LGMN: variants seen among roughly 807,000 people sequenced by gnomAD.
LGMN encodes asparaginyl endopeptidase.
A neutral mutation model predicts 56.8 loss-of-function variants in LGMN; 36 were observed. The ratio of observed to expected loss-of-function variants is 0.63; its 90% CI spans 0.49 to 0.84. The LOEUF (loss-of-function observed/expected upper bound fraction) is 0.84. LGMN is among the 40% of genes least tolerant of loss of function. LGMN has a pLI of 0.00. For missense variants in LGMN, 446 were observed against 556.1 expected (o/e 0.80, Z 1.99); for synonymous variants, 199 against 210.1 (o/e 0.95, Z 0.46).
Position 92,714,842 on chromosome 14 carries a change from C to G in LGMN, c.405-391G>C, listed in dbSNP as rs34441890. On this transcript the variant is annotated intron_variant, in intron 5 of 13. Coordinates refer to ENST00000334869, the MANE Select transcript of LGMN (RefSeq NM_005606.7). This position sits in a 1 kb window ranked among gnomAD's most constrained non-coding sequence, Gnocchi z 5.1. ...CTCAACACAGGCCTGCAGCCTCCCC[C>G]CCTCCAGGCCTCCTGTGGCCCACAG... Among the ~76,000 whole-genome samples, 3,245 of 151,886 alleles carry G rather than the reference C, an allele frequency of 0.021. 128 individuals carry two copies. Among genetic ancestry groups the G allele is most frequent in the African/African-American group, 0.074 (3,054 of 41,508 alleles).
chr14:92,720,119 A>C (rs1226399303), intron 2 of LGMN, among the ~76,000 whole-genome samples: 1 of 152,218 alleles, frequency 6.6e-6, no homozygotes, highest in Non-Finnish European at 1.5e-5. Context: ...TTGAAGGCTG[A>C]ATGGGTGAGG....
chr14:92,729,127 C>CTTTTTT (rs55843490), intron 2 of LGMN, among the ~76,000 whole-genome samples: 179 of 110,068 alleles, frequency 1.6e-3, no homozygotes, highest in African/African-American at 3.2e-3. Context: ...CTCAGCTTTT[C>CTTTTTT]TTTTTTTTTT....
intron 11 of LGMN, 97 bp from the exon 12 acceptor site, chr14:92,706,750 C>G: frequency 1.7e-6 from 2 of 1,148,186 alleles, no homozygotes; most frequent in South Asian, 2.0e-5. Context: ...CTACTCTCCA[C>G]ACAGCCCTCA....
At chr14:92,706,307 T>G in intron 12 of LGMN, 176 bp downstream of exon 12, 1 of 486,320 alleles carries the variant, frequency 2.1e-6, no homozygotes, top group Middle Eastern at 5.7e-4. Context: ...AAGAGTGTTC[T>G]GGGGCCAAGA....
chr14:92,720,910 TGAGACA>T (rs1357851293), intron 2 of LGMN, among the ~76,000 whole-genome samples: 1 of 152,118 alleles, frequency 6.6e-6, no homozygotes, highest in African/African-American at 2.4e-5. Flanking sequence ...TGTTTTTTTT[TGAGACA>T]GGGTCTTGCT....
At chr14:92,726,113 T>C (rs1595549972) in intron 2 of LGMN, among the ~76,000 whole-genome samples, 1 of 151,804 alleles carries the variant, frequency 6.6e-6, no homozygotes, top group Admixed American at 6.6e-5. Context: ...GGCAGGTGCC[T>C]GTAATCCCAG....
In LGMN at chr14:92,703,961, G is replaced by C. The variant is rs959502065; in HGVS notation, c.*358C>G. 4 of 589,682 alleles carry C rather than the reference G, an allele frequency of 6.8e-6. No individual in the cohort carries two copies. In the Admixed American group the frequency reaches 1.3e-4, roughly 18 times the overall value. 36.5% of individuals were successfully genotyped at this position (589,682 alleles called of 1,614,324 possible). On this transcript the variant is annotated 3_prime_UTR_variant, in exon 14 of 14. Transcript: ENST00000334869. ...TAAAATCATTCTGAAGATTTAAAGA[G>C]GTTTCAGCTTCAAATTCTCAGAATA...
chr14:92,705,279 G>A (rs1889371091), intron 12 of LGMN, among the ~76,000 whole-genome samples: 1 of 152,092 alleles, frequency 6.6e-6, no homozygotes, highest in Non-Finnish European at 1.5e-5. Context: ...AGGCAGGTGG[G>A]TCACCTGAGG....
At chr14:92,720,798 T>C (rs929601979) in intron 2 of LGMN, among the ~76,000 whole-genome samples, 1 of 152,252 alleles carries the variant, frequency 6.6e-6, no homozygotes, top group Non-Finnish European at 1.5e-5. Context: ...AGATAGCGGA[T>C]GGACTTAAGG....
rs190256557 is a variant in LGMN, at chr14:92,747,264, C to T, written c.-30+1225G>A. Among the ~76,000 whole-genome samples, 932 of 152,034 alleles carry T rather than the reference C, an allele frequency of 6.1e-3. 5 individuals carry two copies. The highest frequency in any genetic ancestry group is 0.037 in the Middle Eastern group (11 of 294). ...ATCCCAGCACTTTGGGAGGCTGAGGCGGGCGGATCACTTGTCAGGAGTTCG... is the reference window on the plus strand; with the variant it reads ...ATCCCAGCACTTTGGGAGGCTGAGGTGGGCGGATCACTTGTCAGGAGTTCG... On this transcript the variant is annotated intron_variant, in intron 1 of 13. Coordinates refer to ENST00000334869, the MANE Select transcript of LGMN (RefSeq NM_005606.7).
intron 2 of LGMN, among the ~76,000 whole-genome samples, chr14:92,730,838 G>A (rs1163189037): frequency 1.3e-5 from 2 of 151,646 alleles, no homozygotes; most frequent in Admixed American, 1.3e-4. Context: ...GCTGAGGCAG[G>A]AGAATAGCTT....
intron 1 of LGMN, among the ~76,000 whole-genome samples, chr14:92,738,110 CTG>C (rs1342661227): frequency 6.6e-6 from 1 of 152,168 alleles, no homozygotes; most frequent in Non-Finnish European, 1.5e-5. Flanking sequence ...GTTGACCTGA[CTG>C]TGAACAACAG....
chr14:92,744,393 T>C (rs1891721149), intron 1 of LGMN, among the ~76,000 whole-genome samples: 1 of 152,156 alleles, frequency 6.6e-6, no homozygotes, highest in Non-Finnish European at 1.5e-5. Flanking sequence ...GTAGGTTCAT[T>C]TGACTTCCTT....
intron 1 of LGMN, among the ~76,000 whole-genome samples, chr14:92,746,880 C>G (rs1180590609): frequency 6.6e-6 from 1 of 151,944 alleles, no homozygotes; most frequent in Non-Finnish European, 1.5e-5. Flanking sequence ...GCTAAAAATA[C>G]AAAAAATTAG....
chr14:92,704,219 GCCCGAGC>G lies in LGMN; in HGVS notation c.*93_*99del. The G allele has an allele frequency of 1.3e-6, 2 of 1,507,760 alleles. No homozygotes were observed. Among genetic ancestry groups the G allele is most frequent in the East Asian group, 4.5e-5 (2 of 44,384 alleles). The allele number at this position is 1,507,760 out of a possible 1,614,324, so 93.4% of individuals were successfully genotyped here. ...CCTGGAGCGGGGGCTCCCCAGGAGG[GCCCGAGC>G]AGCGGAGACTTCTCACTCCACCTCT... On this transcript the variant is annotated 3_prime_UTR_variant, in exon 14 of 14. Coordinates refer to ENST00000334869, the MANE Select transcript of LGMN (RefSeq NM_005606.7).
intron 1 of LGMN, among the ~76,000 whole-genome samples, chr14:92,738,014 G>A (rs775494542): frequency 8.5e-5 from 13 of 152,116 alleles, no homozygotes; most frequent in African/African-American, 2.4e-4. Flanking sequence ...CTCAAAGAGC[G>A]TCATTCCTCT....
At chr14:92,717,915 G>A (rs1444266222) in intron 3 of LGMN, among the ~76,000 whole-genome samples, 2 of 152,192 alleles carry the variant, frequency 1.3e-5, no homozygotes, top group African/African-American at 2.4e-5. Context: ...GTCCTTCACC[G>A]CAGCAGGGTG....
intron 1 of LGMN, chr14:92,742,866 G>A (rs528216291): frequency 6.6e-6 from 1 of 152,010 alleles, no homozygotes; most frequent in Admixed American, 6.6e-5. Flanking sequence ...GCAACATAGG[G>A]AGACTCTGTC....
chr14:92,740,558 T>C (rs997640088), intron 1 of LGMN, among the ~76,000 whole-genome samples: 10 of 152,170 alleles, frequency 6.6e-5, no homozygotes, highest in Admixed American at 5.9e-4. Context: ...GAGTTGCTTA[T>C]GTGAAAGTCT....
Sources: gnomAD v4.1 joint callset for allele counts (sites outside exome capture counted in the v4.1 genomes callset) on GRCh38, gnomAD v4.1.1 for gene constraint, Gnocchi (gnomAD v3.1) non-coding constraint, MANE v1.5 for transcripts, NCBI Gene and HGNC (gene_info 2026-07-23, HGNC 2026-07-21) for gene names.